The following PNPLA8 variants were observed in gnomAD, a reference collection of about 807,000 sequenced individuals.
PNPLA8 encodes the protein patatin like domain 8, phospholipase A2.
Under a neutral mutation model 76.9 loss-of-function variants are expected in PNPLA8, and 39 were observed. The ratio of observed to expected loss-of-function variants is 0.51; its 90% CI spans 0.39 to 0.66. The LOEUF (loss-of-function observed/expected upper bound fraction) is 0.66, where lower values mean the gene tolerates loss of function less well. Among genes scored for constraint, PNPLA8 ranks in the 30% least tolerant of loss-of-function variants. The pLI, the probability that PNPLA8 is intolerant of heterozygous loss-of-function variation, is 0.00. For synonymous variants in PNPLA8, 301 were observed against 307.9 expected (o/e 0.98, Z 0.24); for missense variants, 887 against 918.0 (o/e 0.97, Z 0.44).
chr7:108,479,660 G>A (rs1444502536), intron 9 of PNPLA8: 1 of 403,310 alleles, frequency 2.5e-6, no homozygotes, highest in African/African-American at 2.0e-5. Context: ...TACTTTTCAA[G>A]ACACATTATC....
Position 108,523,161 on chromosome 7 carries a change from A to G in PNPLA8, c.-129-1640T>C, listed in dbSNP as rs112077364. On this transcript the variant is annotated intron_variant, in intron 1 of 10. Transcript: ENST00000257694. The stretch of plus-strand genomic sequence containing the variant: ...AGAGGCTGGGACCAAACACTTAGAG[A>G]AGGGAATGGAGTTTTAACTAGAGGA... Among the ~76,000 whole-genome samples the G allele has an allele frequency of 1.4e-3, 216 of 152,334 alleles. 2 individuals carry two copies. Among genetic ancestry groups the G allele is most frequent in the African/African-American group, 5.0e-3 (208 of 41,574 alleles).
chr7:108,514,374 G>C, intron 3 of PNPLA8, 62 bp downstream of exon 3: 1 of 1,538,196 alleles, frequency 6.5e-7, no homozygotes, highest in Non-Finnish European at 8.8e-7. Flanking sequence ...TTCTCATTAG[G>C]AAATAAAACT....
chr7:108,472,390 G>A lies in PNPLA8; in HGVS notation c.*11C>T, dbSNP rs113677217. 5,055 of 1,528,192 alleles carry A rather than the reference G, an allele frequency of 3.3e-3. 151 individuals carry two copies. In the African/African-American group the frequency reaches 0.06, roughly 18 times the overall value. 94.7% of individuals were successfully genotyped at this position (1,528,192 alleles called of 1,614,324 possible). On this transcript the variant is annotated 3_prime_UTR_variant, in exon 11 of 11. Transcript: ENST00000257694. ...CAGACCTTCATTTATGAGAACATAAGCATATACTCATCACAATTTTGAAAA... is the reference window on the plus strand; with the variant it reads ...CAGACCTTCATTTATGAGAACATAAACATATACTCATCACAATTTTGAAAA...
intron 9 of PNPLA8, among the ~76,000 whole-genome samples, chr7:108,486,017 C>T (rs967243381): frequency 4.6e-5 from 7 of 151,902 alleles, no homozygotes; most frequent in African/African-American, 1.4e-4. Context: ...TAAAGGATTA[C>T]GGTCATCAAT....
At chr7:108,508,675 C>G (rs1483214484) in intron 4 of PNPLA8, among the ~76,000 whole-genome samples, 3 of 147,600 alleles carry the variant, frequency 2.0e-5, no homozygotes, top group Non-Finnish European at 3.0e-5. Flanking sequence ...GAAAAAACTA[C>G]TTTAAAGTTC....
chr7:108,472,455 C>A lies in PNPLA8; in HGVS notation c.2295G>T (p.Trp765Cys), dbSNP rs1439583761. ...EKTTLQKIND[W>C]IKLKTDMYEG... ...CATACATATCAGTTTTTAATTTTAT[C>A]CAATCATTAATTTTCTGCAGAGTTG... The change falls in exon 11 of 11, where the codon TGG (tryptophan) becomes TGT (cysteine). Residue 765 changes from tryptophan (W) to cysteine (C), a missense_variant. Transcript: ENST00000257694. The A allele has an allele frequency of 2.5e-6, 4 of 1,596,628 alleles. No homozygotes were observed. The highest frequency in any genetic ancestry group is 3.4e-6 in the Non-Finnish European group (4 of 1,170,500).
In PNPLA8 at chr7:108,521,234, G is replaced by A. The variant is rs943845840; in HGVS notation, c.-84+242C>T. On this transcript the variant is annotated intron_variant, in intron 2 of 10. Coordinates refer to ENST00000257694, the MANE Select transcript of PNPLA8 (RefSeq NM_001256007.3). ...TGAAACAGAAGGAAAATAAAGAGTC[G>A]AAAAGAGAACTGTACCAAGAATAAA... 3.6e-4 allele frequency among the ~76,000 whole-genome samples: 55 copies of A among 152,094 alleles called. 1 individual carries two copies. The highest frequency in any genetic ancestry group is 1.3e-3 in the African/African-American group (54 of 41,420).
At chr7:108,526,146 C>G (rs1044917188), upstream of PNPLA8, 31 of 950,164 alleles carry the variant, frequency 3.3e-5, no homozygotes, top group African/African-American at 5.3e-4. Context: ...GGCGCAGCAG[C>G]TAGGTCGCCA....
chr7:108,494,535 A>G (rs1861419779), intron 7 of PNPLA8, among the ~76,000 whole-genome samples: 1 of 152,216 alleles, frequency 6.6e-6, no homozygotes, highest in Admixed American at 6.5e-5. Flanking sequence ...GCTGCAAAGG[A>G]CATGATTTTT....
chr7:108,527,861 CAG>C (rs1157689717), upstream of PNPLA8: 2 of 152,222 alleles, frequency 1.3e-5, no homozygotes, highest in East Asian at 3.9e-4. Flanking sequence ...GAAGAGGGCT[CAG>C]AGGAGCCTAA....
At position 108,472,664 on chromosome 7, in the gene PNPLA8, T is replaced by C; in HGVS notation, c.2086A>G (p.Met696Val). 3 of 1,574,636 alleles carry C rather than the reference T, an allele frequency of 1.9e-6. No individual in the cohort carries two copies. Among genetic ancestry groups the C allele is most frequent in the Non-Finnish European group, 2.6e-6 (3 of 1,166,698 alleles). The change falls in exon 11 of 11, where the codon ATG becomes GTG. Residue 696 changes from methionine (M) to valine (V), a missense_variant. By Grantham distance (21) the Met-to-Val change is conservative. Transcript: ENST00000257694. ...SATDTEEVHIMLDGLLPPDTY... is the reference protein window; with the variant it reads ...SATDTEEVHIVLDGLLPPDTY... ...TCAGGAGGTAACAGGCCATCAAGCA[T>C]TATATGGACTTCTGTTAAAGCAAAA...
chr7:108,504,801 G>A (rs1862220029), intron 4 of PNPLA8, among the ~76,000 whole-genome samples: 1 of 152,160 alleles, frequency 6.6e-6, no homozygotes, highest in Non-Finnish European at 1.5e-5. Context: ...GTCTGGCTGG[G>A]CATGGTGACT....
intron 7 of PNPLA8, among the ~76,000 whole-genome samples, chr7:108,495,806 G>C (rs1359208927): frequency 6.6e-6 from 1 of 152,176 alleles, no homozygotes; most frequent in East Asian, 1.9e-4. Flanking sequence ...CTGGAGTACA[G>C]TGTAGTCTTT....
At chr7:108,520,747 T>A (rs1289077141) in intron 2 of PNPLA8, among the ~76,000 whole-genome samples, 1 of 152,030 alleles carries the variant, frequency 6.6e-6, no homozygotes, top group South Asian at 2.1e-4. Context: ...AAATTCATGC[T>A]CAACTTGAAG....
chr7:108,510,754 T>A, intron 4 of PNPLA8: 1 of 1,601,736 alleles, frequency 6.2e-7, no homozygotes, highest in South Asian at 1.1e-5. Flanking sequence ...ACGCTTTGAT[T>A]GCTCGATCTC....
At chr7:108,497,399 G>T in intron 6 of PNPLA8, 84 bp downstream of exon 6, 1 of 909,194 alleles carries the variant, frequency 1.1e-6, no homozygotes. Context: ...GAAGGCAAAG[G>T]ACTATGATCT....
At chr7:108,497,089 A>T (rs776747953) in intron 6 of PNPLA8, among the ~76,000 whole-genome samples, 3 of 152,128 alleles carry the variant, frequency 2.0e-5, no homozygotes, top group Non-Finnish European at 4.4e-5. Flanking sequence ...AATTATATAT[A>T]AGATACTATG....
At chr7:108,497,798 A>G (rs1475298793) in intron 5 of PNPLA8, among the ~76,000 whole-genome samples, 2 of 152,078 alleles carry the variant, frequency 1.3e-5, no homozygotes, top group African/African-American at 2.4e-5. Flanking sequence ...AAGGCAGCAC[A>G]TTTTAAAATT....
At chr7:108,505,449 G>A (rs1238275031) in intron 4 of PNPLA8, among the ~76,000 whole-genome samples, 35 of 135,682 alleles carry the variant, frequency 2.6e-4, no homozygotes, top group Middle Eastern at 4.8e-3. Flanking sequence ...CGCAACCTCC[G>A]CCTCCCAGGT....
Sources: gnomAD v4.1 joint callset for allele counts (sites outside exome capture counted in the v4.1 genomes callset) on GRCh38, gnomAD v4.1.1 for gene constraint, MANE v1.5 for transcripts, NCBI Gene and HGNC (gene_info 2026-07-23, HGNC 2026-07-21) for gene names.